CNTN5: variants seen among roughly 807,000 people sequenced by gnomAD.
CNTN5 encodes the protein contactin 5, also known as contactin-5.
Under a neutral mutation model 129.1 loss-of-function variants are expected in CNTN5, and 77 were observed. That is an observed-to-expected ratio of 0.60 (90% CI 0.50 to 0.72). CNTN5 has a LOEUF of 0.72. CNTN5 is among the 30% of genes least tolerant of loss of function. CNTN5 has a pLI of 0.00. For missense variants in CNTN5, 1,478 were observed against 1,328.8 expected (o/e 1.11, Z -1.75); for synonymous variants, 509 against 465.6 (o/e 1.09, Z -1.20).
intron 15 of CNTN5, among the ~76,000 whole-genome samples, chr11:100,220,281 A>T (rs1949236111): frequency 1.4e-5 from 2 of 142,068 alleles, no homozygotes; most frequent in African/African-American, 5.3e-5. Flanking sequence ...TGTCTCAATT[A>T]AAAAAAAAAA....
At chr11:100,098,094 C>T (rs12269834) in intron 13 of CNTN5, among the ~76,000 whole-genome samples, 4,872 of 151,984 alleles carry the variant, frequency 0.032, 248 homozygotes, top group African/African-American at 0.11. Flanking sequence ...TGCATGCAAA[C>T]GTTCTTTCTG....
At chr11:99,484,507 G>A (rs1243678972) in intron 2 of CNTN5, among the ~76,000 whole-genome samples, 1 of 152,138 alleles carries the variant, frequency 6.6e-6, no homozygotes, top group African/African-American at 2.4e-5. Context: ...GTTACCATTT[G>A]ATCTAGCAAT....
At chr11:100,074,021 A>G (rs919370124) in intron 12 of CNTN5, 123 bp from the exon 13 acceptor site, 1 of 825,228 alleles carries the variant, frequency 1.2e-6, no homozygotes, top group African/African-American at 1.7e-5. Context: ...TTTCATGTGT[A>G]GATATACTAT....
intron 1 of CNTN5, among the ~76,000 whole-genome samples, chr11:99,182,630 A>G (rs1309020826): frequency 6.6e-6 from 1 of 152,182 alleles, no homozygotes. Context: ...GCATCATCCA[A>G]GAAGTCTGGG....
intron 3 of CNTN5, among the ~76,000 whole-genome samples, chr11:99,810,158 T>C (rs1295558129): frequency 6.6e-6 from 1 of 152,116 alleles, no homozygotes; most frequent in Non-Finnish European, 1.5e-5. Flanking sequence ...GCAATAAAAG[T>C]CTATAATACC....
At chr11:99,981,342 G>T (rs1186759120) in intron 8 of CNTN5, among the ~76,000 whole-genome samples, 2 of 151,904 alleles carry the variant, frequency 1.3e-5, no homozygotes, top group Non-Finnish European at 2.9e-5. Flanking sequence ...GGAGTCCGAA[G>T]GCCAGGAGGC....
chr11:100,330,799 C>A (rs1267046235), intron 21 of CNTN5, among the ~76,000 whole-genome samples: 1 of 152,120 alleles, frequency 6.6e-6, no homozygotes, highest in East Asian at 1.9e-4. Flanking sequence ...CACTACCAAG[C>A]CAGCGCTACA....
intron 3 of CNTN5, among the ~76,000 whole-genome samples, chr11:99,739,003 T>A (rs4539293): frequency 0.23 from 34,303 of 152,028 alleles, 4,238 homozygotes; most frequent in Admixed American, 0.35. Flanking sequence ...ATGTAATAAA[T>A]ATAGACGATA....
intron 3 of CNTN5, among the ~76,000 whole-genome samples, chr11:99,718,590 A>C (rs144239297): frequency 6.6e-6 from 1 of 152,178 alleles, no homozygotes; most frequent in Admixed American, 6.5e-5. Context: ...GACAGTTTAA[A>C]GGAAAAATAA....
chr11:99,375,618 T>A (rs1940134007), intron 2 of CNTN5, among the ~76,000 whole-genome samples: 2 of 152,138 alleles, frequency 1.3e-5, no homozygotes, highest in African/African-American at 4.8e-5. Flanking sequence ...AATTACAAAT[T>A]TACAAAATTA....
chr11:99,565,115 A>G (rs1241946156), intron 3 of CNTN5, among the ~76,000 whole-genome samples: 1 of 152,192 alleles, frequency 6.6e-6, no homozygotes, highest in Non-Finnish European at 1.5e-5. Context: ...TTAAAGAACA[A>G]TAACCCAAAA....
At chr11:100,186,456 A>G (rs1948303982) in intron 13 of CNTN5, among the ~76,000 whole-genome samples, 2 of 152,136 alleles carry the variant, frequency 1.3e-5, no homozygotes, top group African/African-American at 4.8e-5. Flanking sequence ...AAATAAGTCA[A>G]TAATAAATTC....
Position 99,636,878 on chromosome 11 carries a change from C to T in CNTN5, c.55+80609C>T, listed in dbSNP as rs377245522. On this transcript the variant is annotated intron_variant, in intron 3 of 24. Transcript: ENST00000524871. ...AAATACAAAAATTAGCTGGGCATGG[C>T]GGCACATGCCTGTAATCCCAGCTAT... 1.2e-3 allele frequency among the ~76,000 whole-genome samples: 167 copies of T among 144,198 alleles called. 12 individuals are homozygous for T. The South Asian group carries it at 0.035, about 30-fold the overall frequency. The allele number at this position is 144,198 out of a possible 152,430, so 94.6% of individuals were successfully genotyped here.
rs1399898433 is a variant in CNTN5 at position 99,996,123 on chromosome 11, A to G, written c.878-5911A>G. Among the ~76,000 whole-genome samples, 4 of 152,086 alleles carry G rather than the reference A, an allele frequency of 2.6e-5. No individual in the cohort carries two copies. The East Asian group carries it at 7.7e-4, about 29-fold the overall frequency. The stretch of plus-strand genomic sequence containing the variant: ...TCCCCAAGCTGCAAATTATAGTGTT[A>G]TTATTGACACTGCCCATGCCCTTAT... On this transcript the variant is annotated intron_variant, in intron 8 of 24. Transcript: ENST00000524871.
At chr11:99,277,509 CTTG>C (rs1863496189) in intron 1 of CNTN5, among the ~76,000 whole-genome samples, 2 of 151,756 alleles carry the variant, frequency 1.3e-5, no homozygotes, top group South Asian at 4.1e-4. Flanking sequence ...CCAGTGACAG[CTTG>C]TTGTTTTATT....
intron 13 of CNTN5, among the ~76,000 whole-genome samples, chr11:100,176,844 A>G (rs1355496435): frequency 9.6e-6 from 1 of 104,262 alleles, no homozygotes; most frequent in East Asian, 5.0e-4. Context: ...TATATTTCAT[A>G]TAGTATGGTG....
intron 6 of CNTN5, among the ~76,000 whole-genome samples, chr11:99,878,151 CTTAT>C (rs1348584213): frequency 1.3e-5 from 2 of 152,166 alleles, no homozygotes; most frequent in Admixed American, 6.5e-5. Context: ...TTTTAACCTT[CTTAT>C]TTTAGAGGCA....
chr11:99,580,666 C>T (rs1001973278), intron 3 of CNTN5, among the ~76,000 whole-genome samples: 62 of 152,088 alleles, frequency 4.1e-4, no homozygotes, highest in African/African-American at 1.3e-3. Context: ...TCTGTGGGGT[C>T]GGTGGTGATA....
intron 4 of CNTN5, chr11:99,844,525 A>C (rs1947618280): frequency 2.9e-6 from 1 of 339,262 alleles, no homozygotes; most frequent in Admixed American, 4.6e-5. Flanking sequence ...AGGTTTTTTA[A>C]GATATTGTTT....
Sources: allele counts gnomAD v4.1 joint callset (sites outside exome capture counted in the v4.1 genomes callset), GRCh38; gene constraint gnomAD v4.1.1; transcripts MANE v1.5; gene names NCBI Gene and HGNC (gene_info 2026-07-23, HGNC 2026-07-21).